The following TP53RK variants were observed in gnomAD, a reference collection of about 807,000 sequenced individuals.
TP53RK encodes the protein EKC/KEOPS complex subunit TP53RK.
In TP53RK, 17 loss-of-function variants were observed where a neutral mutation model predicts 14.9. That is an observed-to-expected ratio of 1.14 (90% CI 0.78 to 1.71). The LOEUF (loss-of-function observed/expected upper bound fraction) is 1.71, where lower values mean the gene tolerates loss of function less well. Among genes scored for constraint, TP53RK ranks in the 40% most tolerant of loss-of-function variants. The pLI, the probability that TP53RK is intolerant of heterozygous loss-of-function variation, is 0.00. For missense variants in TP53RK, 343 were observed against 332.0 expected, an observed-to-expected ratio of 1.03 and a Z score of -0.26; for synonymous variants, 131 against 138.0, an observed-to-expected ratio of 0.95 and a Z score of 0.36.
At position 46,686,652 on chromosome 20, in the gene TP53RK, T is replaced by C. The variant is rs2063181888; in HGVS notation, c.*101A>G. 4.0e-6 allele frequency: 4 copies of C among 996,514 alleles called. No homozygotes were observed. In the South Asian group the frequency reaches 6.2e-5, roughly 16 times the overall value. The allele number at this position is 996,514 out of a possible 1,614,324, so 61.7% of individuals were successfully genotyped here. On this transcript the variant is annotated 3_prime_UTR_variant, in exon 2 of 2. Transcript: ENST00000372114. ...CACGATCACATACCACTTAAAAATA[T>C]CTTAACACCTTTACTTAGATCTCAT...
In TP53RK at chr20:46,686,526, C is replaced by A. The variant is rs1203560632; in HGVS notation, c.*227G>T. On this transcript the variant is annotated 3_prime_UTR_variant, in exon 2 of 2. Coordinates refer to ENST00000372114, the MANE Select transcript of TP53RK (RefSeq NM_033550.4). ...GTATCTGAGATATACATGTCACAAT[C>A]TGGGAGAAGCCTGTCCTCAATTTAC... 1 of 542,938 alleles carries A rather than the reference C, an allele frequency of 1.8e-6. No homozygotes were observed. The highest frequency in any genetic ancestry group is 1.9e-5 in the African/African-American group (1 of 52,950). The allele number at this position is 542,938 out of a possible 1,614,324, so 33.6% of individuals were successfully genotyped here. A position where few individuals can be genotyped will look rare whatever the true frequency, so the allele number is the denominator to read the frequency against.
In TP53RK at chr20:46,686,730, G is replaced by T; in HGVS notation, c.*23C>A. On this transcript the variant is annotated 3_prime_UTR_variant, in exon 2 of 2. Transcript: ENST00000372114. ...TACTTTGAAAAAAGAGCTTCACTGT[G>T]TGTGGTTGTCATACACATTCTTCTA... is the stretch of plus-strand genomic sequence containing the variant. 6.4e-7 allele frequency: 1 copy of T among 1,567,268 alleles called. No homozygotes were observed. The highest frequency in any genetic ancestry group is 8.8e-7 in the Non-Finnish European group (1 of 1,140,056).
At position 46,686,854 on chromosome 20, in the gene TP53RK, A is replaced by T. The variant is rs756641225; in HGVS notation, c.661T>A (p.Phe221Ile). ...GAGGAGGTGGAGTAGCTCTTCAGAA[A>T]GGCTTCAAACACAGTTTCAGTGTTG... ...HPNTETVFEAFLKSYSTSSKK... is the reference protein window; with the variant it reads ...HPNTETVFEAILKSYSTSSKK... The change falls in exon 2 of 2, where the codon TTT becomes ATT. Residue 221 changes from phenylalanine to isoleucine, a missense_variant. By Grantham distance (21) the Phe-to-Ile change is conservative. Transcript: ENST00000372114. 3 of 1,614,148 alleles carry T rather than the reference A, an allele frequency of 1.9e-6. No homozygotes were observed. Among genetic ancestry groups the T allele is most frequent in the Admixed American group, 3.3e-5 (2 of 60,020 alleles).
rs779438485 is a variant in TP53RK, at chr20:46,689,418, T to C, written c.-4A>G. 7.7e-6 allele frequency: 12 copies of C among 1,550,308 alleles called. No homozygotes were observed. The highest frequency in any genetic ancestry group is 2.6e-6 in the Non-Finnish European group (3 of 1,159,988). On this transcript the variant is annotated 5_prime_UTR_variant, in exon 1 of 2. Coordinates refer to ENST00000372114, the MANE Select transcript of TP53RK (RefSeq NM_033550.4). ...TAGTAGCTCTGGCCGCCGCCATGAC[T>C]GCTCGGCGCAACAGCTCCAACCGAT...
rs2063176986 is a variant in TP53RK at position 46,685,585 on chromosome 20, T to C, written c.*1168A>G. Reference sequence around the variant, plus strand: ...GCTGTAGCAATCATTTCATAATGTATATCAAAACATCCCACTGTATACTTT... The same window carrying C: ...GCTGTAGCAATCATTTCATAATGTACATCAAAACATCCCACTGTATACTTT... On this transcript the variant is annotated 3_prime_UTR_variant, in exon 2 of 2. Coordinates refer to ENST00000372114, the MANE Select transcript of TP53RK (RefSeq NM_033550.4). 6.6e-6 allele frequency: 1 copy of C among 152,212 alleles called. No individual in the cohort carries two copies. The highest frequency in any genetic ancestry group is 1.5e-5 in the Non-Finnish European group (1 of 68,034). 9.4% of individuals were successfully genotyped at this position (152,212 alleles called of 1,614,324 possible). A position where few individuals can be genotyped will look rare whatever the true frequency, so the allele number is the denominator to read the frequency against.
intron 1 of TP53RK, among the ~76,000 whole-genome samples, chr20:46,688,258 AT>A (rs922738436): frequency 6.6e-6 from 1 of 152,252 alleles, no homozygotes; most frequent in Admixed American, 6.5e-5. Context: ...GCTACTGAAT[AT>A]CCCCCACCCA....
chr20:46,688,834 A>G (rs2063192758), intron 1 of TP53RK, among the ~76,000 whole-genome samples: 1 of 152,252 alleles, frequency 6.6e-6, no homozygotes, highest in Non-Finnish European at 1.5e-5. Context: ...CAAATGGGGA[A>G]ACCAAGGCTC....
At position 46,689,202 on chromosome 20, in the gene TP53RK, C is replaced by T; in HGVS notation, c.213G>A (p.Ala71=). ...HRFPKGYRHP[A]LEARLGRRRT... is the part of the protein sequence containing the mutation. Reference sequence around the variant, plus strand: ...GCCGTCTGCCAAGCCGCGCCTCCAGCGCCGGGTGCCGGTAGCCCTTGGGGA... The same window carrying T: ...GCCGTCTGCCAAGCCGCGCCTCCAGTGCCGGGTGCCGGTAGCCCTTGGGGA... The change falls in exon 1 of 2, where the codon GCG becomes GCA. Residue 71 remains alanine (A), a synonymous_variant. Coordinates refer to ENST00000372114, the MANE Select transcript of TP53RK (RefSeq NM_033550.4). 2 of 1,523,552 alleles carry T rather than the reference C, an allele frequency of 1.3e-6. No individual in the cohort carries two copies. Among genetic ancestry groups the T allele is most frequent in the Non-Finnish European group, 1.8e-6 (2 of 1,142,210 alleles). 94.4% of individuals were successfully genotyped at this position (1,523,552 alleles called of 1,614,324 possible).
chr20:46,688,325 T>C (rs986082441), intron 1 of TP53RK, among the ~76,000 whole-genome samples: 3 of 152,036 alleles, frequency 2.0e-5, no homozygotes, highest in Admixed American at 6.6e-5. Context: ...AAAATACTGA[T>C]AAAAGAAAGG....
In TP53RK at chr20:46,689,348, C is replaced by T; in HGVS notation, c.67G>A (p.Ala23Thr). The T allele has an allele frequency of 1.3e-6, 2 of 1,570,368 alleles. No homozygotes were observed. Among genetic ancestry groups the T allele is most frequent in the Non-Finnish European group, 1.7e-6 (2 of 1,167,708 alleles). The change falls in exon 1 of 2, where the codon GCC becomes ACC. Residue 23 changes from alanine to threonine, a missense_variant. Physicochemically the swap from Ala to Thr is moderately conservative, Grantham distance 58. Coordinates refer to ENST00000372114, the MANE Select transcript of TP53RK (RefSeq NM_033550.4). ...CGGCTGCTCCGCTCCCGGGCTGCGG[C>T]CAGAGCCTCAGCCTCCGGGGCGGGC... ...EEPAPEAEALAAARERSSRFL... is the reference protein window; with the variant it reads ...EEPAPEAEALTAARERSSRFL...
In TP53RK at chr20:46,686,374, C is replaced by CA. The variant is rs199996058; in HGVS notation, c.*378dup. 1.8e-3 allele frequency: 340 copies of CA among 189,412 alleles called. No homozygotes were observed. Among genetic ancestry groups the CA allele is most frequent in the South Asian group, 3.6e-3 (29 of 8,152 alleles). The allele number at this position is 189,412 out of a possible 1,614,324, so 11.7% of individuals were successfully genotyped here. A position where few individuals can be genotyped will look rare whatever the true frequency, so the allele number is the denominator to read the frequency against. On this transcript the variant is annotated 3_prime_UTR_variant, in exon 2 of 2. Transcript: ENST00000372114. ...AAATATAACATGTACACAACAACAACAAAAAAAAACACTGGGTTAGAGGGC... is the reference window on the plus strand; with the variant it reads ...AAATATAACATGTACACAACAACAACAAAAAAAAAACACTGGGTTAGAGGGC...
chr20:46,684,867 T>C lies in TP53RK; in HGVS notation c.*1886A>G, dbSNP rs1401855865. 1 of 152,196 alleles carries C rather than the reference T, an allele frequency of 6.6e-6. No individual in the cohort carries two copies. Among genetic ancestry groups the C allele is most frequent in the Non-Finnish European group, 1.5e-5 (1 of 68,040 alleles). 9.4% of individuals were successfully genotyped at this position (152,196 alleles called of 1,614,324 possible). On this transcript the variant is annotated 3_prime_UTR_variant, in exon 2 of 2. Transcript: ENST00000372114. Reference sequence around the variant, plus strand: ...AAATAATGTTATACGCCAATACTTATTATAGTACTGTAAAGATGCACCATA... The same window carrying C: ...AAATAATGTTATACGCCAATACTTACTATAGTACTGTAAAGATGCACCATA...
In TP53RK at chr20:46,686,131, G is replaced by A. The variant is rs1036393504; in HGVS notation, c.*622C>T. 2 of 152,206 alleles carry A rather than the reference G, an allele frequency of 1.3e-5. No homozygotes were observed. Among genetic ancestry groups the A allele is most frequent in the Admixed American group, 1.3e-4 (2 of 15,284 alleles). The allele number at this position is 152,206 out of a possible 1,614,324, so 9.4% of individuals were successfully genotyped here. A position where few individuals can be genotyped will look rare whatever the true frequency, so the allele number is the denominator to read the frequency against. ...AATTTCAGTTGCCTGAAAGCTGTAAGTCTGCTTTTTTAAAAGAGAAATTGG... is the reference window on the plus strand; with the variant it reads ...AATTTCAGTTGCCTGAAAGCTGTAAATCTGCTTTTTTAAAAGAGAAATTGG... On this transcript the variant is annotated 3_prime_UTR_variant, in exon 2 of 2. Coordinates refer to ENST00000372114, the MANE Select transcript of TP53RK (RefSeq NM_033550.4).
chr20:46,687,300 T>A, intron 1 of TP53RK, 69 bp from the exon 2 acceptor site: 3 of 1,345,718 alleles, frequency 2.2e-6, no homozygotes, highest in Non-Finnish European at 3.0e-6. Context: ...TTTCAAAGAT[T>A]AAGCCAGTTT....
Position 46,686,684 on chromosome 20 carries a change from CTT to C in TP53RK, c.*67_*68del. 7.7e-7 allele frequency: 1 copy of C among 1,291,254 alleles called. No homozygotes were observed. The highest frequency in any genetic ancestry group is 1.1e-6 in the Non-Finnish European group (1 of 909,658). The allele number at this position is 1,291,254 out of a possible 1,614,324, so 80.0% of individuals were successfully genotyped here. ...ACCTTTACTTAGATCTCATCTCATA[CTT>C]GTAGCATTTCTTCAAATTTACTTTG... On this transcript the variant is annotated 3_prime_UTR_variant, in exon 2 of 2. Transcript: ENST00000372114.
chr20:46,688,734 G>A lies in TP53RK; in HGVS notation c.283+398C>T, dbSNP rs2063192287. On this transcript the variant is annotated intron_variant, in intron 1 of 1. Transcript: ENST00000372114. Reference sequence around the variant, plus strand: ...CAGCAGAGTTAGTATTTCAACCCAGGGAGCCTGGCTCCAGTGGGGCAAGTA... The same window carrying A: ...CAGCAGAGTTAGTATTTCAACCCAGAGAGCCTGGCTCCAGTGGGGCAAGTA... 2.0e-5 allele frequency among the ~76,000 whole-genome samples: 3 copies of A among 152,196 alleles called. No individual in the cohort carries two copies. The South Asian group carries it at 6.2e-4, about 32-fold the overall frequency.
intron 1 of TP53RK, among the ~76,000 whole-genome samples, chr20:46,688,109 T>C (rs960000239): frequency 2.0e-5 from 3 of 152,220 alleles, no homozygotes; most frequent in African/African-American, 7.2e-5. Flanking sequence ...TCAATGGGGA[T>C]ACAGCAATAA....
intron 1 of TP53RK, among the ~76,000 whole-genome samples, chr20:46,688,444 T>C (rs2063190717): frequency 1.3e-5 from 2 of 152,286 alleles, no homozygotes; most frequent in Admixed American, 1.3e-4. Flanking sequence ...GTTACTTCTC[T>C]CTGAGTGTCA....
chr20:46,686,769 C>T lies in TP53RK; in HGVS notation c.746G>A (p.Arg249Lys). 1.2e-6 allele frequency: 2 copies of T among 1,613,688 alleles called. No individual in the cohort carries two copies. Among genetic ancestry groups the T allele is most frequent in the East Asian group, 2.2e-5 (1 of 44,884 alleles). ...CACATTCTTCTACCCAACCATGGAC[C>T]TCTTTCTTCCTCTCAGGCGCACTTC... is the stretch of plus-strand genomic sequence containing the variant. ...LDEVRLRGRK[R>K]SMVG Residue 249 changes from arginine to lysine, a missense_variant, in exon 2 of 2, where the codon AGG (arginine) becomes AAG (lysine). Transcript: ENST00000372114.
Sources: allele counts gnomAD v4.1 joint callset (sites outside exome capture counted in the v4.1 genomes callset), GRCh38; gene constraint gnomAD v4.1.1; transcripts MANE v1.5; gene names NCBI Gene and HGNC (gene_info 2026-07-23, HGNC 2026-07-21).